TNKS: variants seen among roughly 807,000 people sequenced by gnomAD.
The protein encoded by TNKS is tankyrase.
Under a neutral mutation model 135.8 loss-of-function variants are expected in TNKS, and 72 were observed. The observed-to-expected ratio is 0.53, with a 90% confidence interval of 0.44 to 0.64. TNKS has a LOEUF of 0.64. Ranked by LOEUF, TNKS falls within the 30% of genes least tolerant of loss-of-function variation. The probability of loss-of-function intolerance (pLI) is 0.00; values close to 1 mark genes in which losing one functional copy is unlikely to be tolerated. For missense variants in TNKS, 1,769 were observed against 1,674.0 expected (o/e 1.06, Z -0.99); for synonymous variants, 849 against 649.3 (o/e 1.31, Z -4.68).
At chr8:9,619,955 TA>T (rs1446031508) in intron 3 of TNKS, among the ~76,000 whole-genome samples, 1 of 148,966 alleles carries the variant, frequency 6.7e-6, no homozygotes, top group Non-Finnish European at 1.5e-5. Flanking sequence ...TATTTTTATT[TA>T]TTTTTTTTTT....
At chr8:9,583,057 C>T (rs1448485877) in intron 2 of TNKS, among the ~76,000 whole-genome samples, 1 of 150,794 alleles carries the variant, frequency 6.6e-6, no homozygotes, top group Non-Finnish European at 1.5e-5. Flanking sequence ...GTCCCAGCTA[C>T]TTAGGAGGCT....
At chr8:9,648,603 CTTTTATACA>C (rs1801011095) in intron 3 of TNKS, among the ~76,000 whole-genome samples, 1 of 152,120 alleles carries the variant, frequency 6.6e-6, no homozygotes, top group South Asian at 2.1e-4. Context: ...ATGTGCAATA[CTTTTATACA>C]ACTGGCTGTG....
chr8:9,623,405 A>C (rs995164933), intron 3 of TNKS, among the ~76,000 whole-genome samples: 3 of 150,900 alleles, frequency 2.0e-5, no homozygotes, highest in African/African-American at 7.3e-5. Flanking sequence ...CACTATGAAG[A>C]AGCAAATATT....
chr8:9,586,722 CGTGTGTGTGTGTGTGTGT>C (rs5889287), intron 2 of TNKS, among the ~76,000 whole-genome samples: 10 of 143,210 alleles, frequency 7.0e-5, no homozygotes, highest in African/African-American at 1.5e-4. Context: ...ATATCTAAAA[CGTGTGTGTGTGTGTGTGT>C]GTGTGTGTGT....
At chr8:9,687,897 T>G (rs900288229) in intron 5 of TNKS, among the ~76,000 whole-genome samples, 2 of 152,224 alleles carry the variant, frequency 1.3e-5, no homozygotes, top group African/African-American at 4.8e-5. Flanking sequence ...GAATCGAAGT[T>G]TAAAGTGTTC....
At chr8:9,755,988 C>T (rs1806813496) in intron 20 of TNKS, among the ~76,000 whole-genome samples, 1 of 152,098 alleles carries the variant, frequency 6.6e-6, no homozygotes, top group Non-Finnish European at 1.5e-5. Flanking sequence ...ATATAGTACC[C>T]ATGTGACTTT....
At chr8:9,676,686 C>CTGTGTGTGTGTGTGTGTG (rs147459978) in intron 3 of TNKS, among the ~76,000 whole-genome samples, 30 of 147,784 alleles carry the variant, frequency 2.0e-4, no homozygotes, top group Admixed American at 4.7e-4. Context: ...CTCTCTCTCT[C>CTGTGTGTGTGTGTGTGTG]TGTGTGTGTG....
intron 17 of TNKS, among the ~76,000 whole-genome samples, chr8:9,742,670 C>T (rs1353240541): frequency 6.7e-6 from 1 of 149,688 alleles, no homozygotes; most frequent in East Asian, 2.0e-4. Flanking sequence ...CCAGCCTGGG[C>T]GACATAGTGA....
intron 5 of TNKS, among the ~76,000 whole-genome samples, chr8:9,694,590 C>G (rs1016462460): frequency 6.6e-6 from 1 of 151,750 alleles, no homozygotes; most frequent in Non-Finnish European, 1.5e-5. Flanking sequence ...GGTGAAACTC[C>G]GCCTCTACTA....
chr8:9,599,336 T>C (rs193041079), intron 2 of TNKS, among the ~76,000 whole-genome samples: 1 of 152,214 alleles, frequency 6.6e-6, no homozygotes, highest in African/African-American at 2.4e-5. Flanking sequence ...GTTCTTGTTA[T>C]GTGCAAAGAG....
chr8:9,708,286 A>G, intron 8 of TNKS, 85 bp from the exon 9 acceptor site: 2 of 1,177,018 alleles, frequency 1.7e-6, no homozygotes, highest in Non-Finnish European at 2.3e-6. Context: ...ATAAAATAAT[A>G]ATATTCCTAC....
At chr8:9,772,484 C>CA in intron 26 of TNKS, 3 of 449,676 alleles carry the variant, frequency 6.7e-6, no homozygotes. Flanking sequence ...TTGTATTCTT[C>CA]AAAAATGTTA....
chr8:9,584,987 C>G (rs1471909580), intron 2 of TNKS, among the ~76,000 whole-genome samples: 2 of 152,092 alleles, frequency 1.3e-5, no homozygotes, highest in African/African-American at 4.8e-5. Flanking sequence ...AACAGCCCAT[C>G]TCAGCCAGAA....
chr8:9,589,730 G>T (rs767062987), intron 2 of TNKS, among the ~76,000 whole-genome samples: 17 of 152,260 alleles, frequency 1.1e-4, no homozygotes, highest in Non-Finnish European at 2.4e-4. Context: ...CCACGTGGGT[G>T]AGGAAGAGAA....
At chr8:9,685,217 G>A (rs1227568200) in intron 5 of TNKS, among the ~76,000 whole-genome samples, 1 of 152,160 alleles carries the variant, frequency 6.6e-6, no homozygotes, top group East Asian at 1.9e-4. Context: ...TGAATTTAGT[G>A]CTGTACCTTG....
chr8:9,717,759 GACT>G (rs1804682169), intron 11 of TNKS, among the ~76,000 whole-genome samples: 2 of 152,074 alleles, frequency 1.3e-5, no homozygotes, highest in African/African-American at 4.8e-5. Flanking sequence ...CAGTCTACTT[GACT>G]ACTATATGAA....
chr8:9,672,905 A>G (rs1201731073), intron 3 of TNKS, among the ~76,000 whole-genome samples: 2 of 151,952 alleles, frequency 1.3e-5, no homozygotes, highest in Admixed American at 6.6e-5. Flanking sequence ...TCTTTTTAAT[A>G]TATCAAAAAG....
At chr8:9,600,398 C>T (rs1202954080) in intron 2 of TNKS, among the ~76,000 whole-genome samples, 4 of 152,070 alleles carry the variant, frequency 2.6e-5, no homozygotes, top group African/African-American at 9.7e-5. Context: ...ACTGCAGCCT[C>T]GACCTCCTTG....
intron 5 of TNKS, among the ~76,000 whole-genome samples, chr8:9,686,302 AT>A (rs1802994405): frequency 6.6e-6 from 1 of 152,088 alleles, no homozygotes; most frequent in Non-Finnish European, 1.5e-5. Flanking sequence ...CTGAGTTCGT[AT>A]GGAAGCTTCT....
Sources: gnomAD v4.1 joint callset for allele counts (sites outside exome capture counted in the v4.1 genomes callset) on GRCh38, gnomAD v4.1.1 for gene constraint, MANE v1.5 for transcripts, NCBI Gene and HGNC (gene_info 2026-07-23, HGNC 2026-07-21) for gene names.